PPRC1: variants seen among roughly 807,000 people sequenced by gnomAD.
PPRC1 encodes the protein PPARG related coactivator 1.
In PPRC1, 23 loss-of-function variants were observed where a neutral mutation model predicts 132.5. The observed-to-expected ratio is 0.17, with a 90% confidence interval of 0.12 to 0.25. The LOEUF (loss-of-function observed/expected upper bound fraction) is 0.25, where lower values mean the gene tolerates loss of function less well. Among genes scored for constraint, PPRC1 ranks in the 10% least tolerant of loss-of-function variants. The pLI, the probability that PPRC1 is intolerant of heterozygous loss-of-function variation, is 1.00. For missense variants in PPRC1, 2,006 were observed against 2,089.1 expected (o/e 0.96, Z 0.78); for synonymous variants, 872 against 833.5 (o/e 1.05, Z -0.80).
chr10:102,124,114 G>A, the PPRC1 span, among the ~76,000 whole-genome samples: 2 of 151,082 alleles, frequency 1.3e-5, no homozygotes, highest in Non-Finnish European at 2.9e-5. Flanking sequence ...CGCCCAGACT[G>A]GATTGCAGTG....
chr10:102,122,275 C>T, the PPRC1 span, among the ~76,000 whole-genome samples: 1 of 152,084 alleles, frequency 6.6e-6, no homozygotes, highest in Non-Finnish European at 1.5e-5. Context: ...ATTGTGGATA[C>T]CTAGGTTTGA....
chr10:102,120,227 CCGGCCCGGCCT>C, the PPRC1 span: 3 of 984,900 alleles, frequency 3.0e-6, no homozygotes, highest in East Asian at 1.1e-4. Flanking sequence ...CGCCGCCGGC[CCGGCCCGGCCT>C]CGGCCCGGTG....
chr10:102,127,892 T>C, the PPRC1 span, among the ~76,000 whole-genome samples: 1 of 152,082 alleles, frequency 6.6e-6, no homozygotes, highest in Non-Finnish European at 1.5e-5. Context: ...TTTCGCTATG[T>C]GTCCCAGAGT....
chr10:102,147,376 C>T lies in PPRC1; in HGVS notation c.4384C>T (p.His1462Tyr), dbSNP rs780258251. ...RSRSRSLSPP[H>Y]KRWRRSSCSS... is the part of the protein sequence containing the mutation. The stretch of plus-strand genomic sequence containing the variant: ...TCGGTCCAGGTCCCTCTCCCCCCCA[C>T]ACAAGAGGTGGCGAAGGTGAGCTTT... The change falls in exon 9 of 14, where the codon CAC becomes TAC. Residue 1462 changes from histidine (H) to tyrosine (Y), a missense_variant. By Grantham distance (83) the His-to-Tyr change is moderately conservative. Coordinates refer to ENST00000278070, the MANE Select transcript of PPRC1 (RefSeq NM_015062.5). The T allele has an allele frequency of 2.5e-6, 4 of 1,604,422 alleles. No homozygotes were observed. Among genetic ancestry groups the T allele is most frequent in the African/African-American group, 2.7e-5 (2 of 74,908 alleles).
upstream of PPRC1, among the ~76,000 whole-genome samples, chr10:102,129,055 G>A (rs1422968563): frequency 2.1e-5 from 3 of 144,048 alleles, no homozygotes; most frequent in East Asian, 2.2e-4. Flanking sequence ...TCAGCCTCCC[G>A]CGTAGCTGGG....
rs2069357645 is a variant in PPRC1 at position 102,148,401 on chromosome 10, G to A, written c.4430G>A (p.Arg1477Gln). 5.6e-6 allele frequency: 9 copies of A among 1,613,172 alleles called. No homozygotes were observed. Among genetic ancestry groups the A allele is most frequent in the South Asian group, 1.1e-5 (1 of 91,052 alleles). ...AGCTGTAGTTCCTCTGGACGTTCTC[G>A]AAGATGCTCTTCCTCTTCTTCGTCA... Reference protein sequence around the residue: ...RSSCSSSGRSRRCSSSSSSSS... With the variant: ...RSSCSSSGRSQRCSSSSSSSS... The change falls in exon 10 of 14, where the codon CGA becomes CAA. Residue 1477 changes from arginine to glutamine, a missense_variant. By Grantham distance (43) the Arg-to-Gln change is conservative. This residue lies in a region of PPRC1 where 1,914 missense variants were observed against 1,917.2 expected (regional missense o/e 1.00). Coordinates refer to ENST00000278070, the MANE Select transcript of PPRC1 (RefSeq NM_015062.5). The surrounding 1 kb of genome is among the most constrained non-coding windows in gnomAD (Gnocchi z 4.2).
At position 102,138,005 on chromosome 10, in the gene PPRC1, C is replaced by G. The variant is rs1246541899; in HGVS notation, c.309C>G (p.Ile103Met). 6.2e-7 allele frequency: 1 copy of G among 1,613,886 alleles called. No homozygotes were observed. Among genetic ancestry groups the G allele is most frequent in the African/African-American group, 1.3e-5 (1 of 74,904 alleles). ...TMQSYMDASL[I>M]SLIEDFGSLG... Reference sequence around the variant, plus strand: ...AGAGCTACATGGATGCCTCCCTTATCTCCCTCATTGAGGATTTTGGGAGCC... The same window carrying G: ...AGAGCTACATGGATGCCTCCCTTATGTCCCTCATTGAGGATTTTGGGAGCC... Residue 103 changes from isoleucine to methionine, a missense_variant, in exon 2 of 14, where the codon ATC (isoleucine) becomes ATG (methionine). Ile to Met is a conservative substitution (Grantham distance 10, BLOSUM62 1). This residue lies in a region of PPRC1 where 1,914 missense variants were observed against 1,917.2 expected (regional missense o/e 1.00). Transcript: ENST00000278070.
chr10:102,136,063 C>G (rs993026092), intron 1 of PPRC1, among the ~76,000 whole-genome samples: 25 of 152,280 alleles, frequency 1.6e-4, no homozygotes, highest in African/African-American at 6.0e-4. Flanking sequence ...CGCTGGGGCT[C>G]TGGTAGGTAG....
chr10:102,147,419 T>C (rs776267317), intron 9 of PPRC1, 27 bp downstream of exon 9: 1 of 1,574,006 alleles, frequency 6.4e-7, no homozygotes, highest in Non-Finnish European at 8.6e-7. Context: ...CTGTAGGTCC[T>C]CTCCATTTAG....
rs2069342247 is a variant in PPRC1, at chr10:102,148,068, CCT to C, written c.4401-303_4401-302del. Among the ~76,000 whole-genome samples, 1 of 152,150 alleles carries C rather than the reference CCT, an allele frequency of 6.6e-6. No individual in the cohort carries two copies. Among genetic ancestry groups the C allele is most frequent in the African/African-American group, 2.4e-5 (1 of 41,426 alleles). ...GTGAGACCTAGGGCTCACCCCTCTC[CCT>C]GAGTCTCCATTTATTGTTCTTCCTC... On this transcript the variant is annotated intron_variant, in intron 9 of 13. Transcript: ENST00000278070. The surrounding 1 kb of genome is among the most constrained non-coding windows in gnomAD (Gnocchi z 4.2).
At chr10:102,125,371 G>C in the PPRC1 span, among the ~76,000 whole-genome samples, 1 of 150,814 alleles carries the variant, frequency 6.6e-6, no homozygotes, top group African/African-American at 2.4e-5. Context: ...CAATTCCCCT[G>C]CCTCAGCCTC....
At chr10:102,137,104 TGA>T (rs1310239214) in intron 1 of PPRC1, among the ~76,000 whole-genome samples, 2 of 152,176 alleles carry the variant, frequency 1.3e-5, no homozygotes, top group East Asian at 3.8e-4. Flanking sequence ...TTTCAGAGGC[TGA>T]GTCGGGCGGA....
In PPRC1 at chr10:102,140,554, C is replaced by T. The variant is rs748225084; in HGVS notation, c.2046C>T (p.Asp682=). The T allele has an allele frequency of 6.2e-7, 1 of 1,614,098 alleles. No individual in the cohort carries two copies. Among genetic ancestry groups the T allele is most frequent in the Non-Finnish European group, 8.5e-7 (1 of 1,180,012 alleles). The part of the protein sequence containing the change: ...DPVPNDLTPV[D]PVLVKSRPTD... ...TTCCTAATGACCTGACTCCAGTTGA[C>T]CCAGTGCTAGTTAAGTCCAGACCAA... The change falls in exon 5 of 14, where the codon GAC becomes GAT. Residue 682 remains aspartate, a synonymous_variant. Transcript: ENST00000278070.
rs1440738813 is a variant in PPRC1 at position 102,148,008 on chromosome 10, C to A, written c.4401-364C>A. Among the ~76,000 whole-genome samples, 1 of 152,136 alleles carries A rather than the reference C, an allele frequency of 6.6e-6. No homozygotes were observed. The highest frequency in any genetic ancestry group is 1.5e-5 in the Non-Finnish European group (1 of 68,018). On this transcript the variant is annotated intron_variant, in intron 9 of 13. Coordinates refer to ENST00000278070, the MANE Select transcript of PPRC1 (RefSeq NM_015062.5). This position sits in a 1 kb window ranked among gnomAD's most constrained non-coding sequence, Gnocchi z 4.2. ...AGGGGAGCAATAGTAACCCAAAAGA[C>A]CCAGGCTTGGCCCCAGCACCACAGA...
chr10:102,127,331 G>A, the PPRC1 span, among the ~76,000 whole-genome samples: 9 of 151,880 alleles, frequency 5.9e-5, no homozygotes, highest in African/African-American at 1.7e-4. Flanking sequence ...CTGAGACCAC[G>A]CCACTGCACT....
At chr10:102,144,837 A>G in intron 7 of PPRC1, 183 bp from the exon 8 acceptor site, 1 of 598,856 alleles carries the variant, frequency 1.7e-6, no homozygotes, top group East Asian at 2.8e-5. Flanking sequence ...GGCAGGGCTC[A>G]GTTGAGATCC....
the PPRC1 span, among the ~76,000 whole-genome samples, chr10:102,124,826 A>G: frequency 6.6e-6 from 1 of 151,336 alleles, no homozygotes; most frequent in Non-Finnish European, 1.5e-5. Context: ...TATTTTTTGT[A>G]GAGACAGGTT....
At position 102,140,437 on chromosome 10, in the gene PPRC1, C is replaced by G. The variant is rs1418727453; in HGVS notation, c.1929C>G (p.Asp643Glu). The G allele has an allele frequency of 6.2e-7, 1 of 1,614,052 alleles. No homozygotes were observed. The highest frequency in any genetic ancestry group is 1.3e-5 in the African/African-American group (1 of 74,906). ...TCCTGGCTGACTCAGCAGCAGTTGA[C>G]CCTGCAGTGGTTCCCATCTCAGATA... ...NPVLADSAAV[D>E]PAVVPISDNL... Residue 643 changes from aspartate (D) to glutamate (E), a missense_variant, in exon 5 of 14, where the codon GAC (aspartate) becomes GAG (glutamate). This residue lies in a region of PPRC1 where 1,914 missense variants were observed against 1,917.2 expected (regional missense o/e 1.00). Transcript: ENST00000278070.
chr10:102,141,634 A>C lies in PPRC1; in HGVS notation c.3126A>C (p.Leu1042=). 1 of 1,614,112 alleles carries C rather than the reference A, an allele frequency of 6.2e-7. No homozygotes were observed. The highest frequency in any genetic ancestry group is 1.3e-5 in the African/African-American group (1 of 75,030). ...TGGCTCCTCCCCTCAGTCTTGGGCTACCTGGCCATGGAGCTCCTCAGACAG... is the reference window on the plus strand; with the variant it reads ...TGGCTCCTCCCCTCAGTCTTGGGCTCCCTGGCCATGGAGCTCCTCAGACAG... ...LSMAPPLSLG[L]PGHGAPQTEP... is the part of the protein sequence containing the mutation. The change falls in exon 5 of 14, where the codon CTA becomes CTC. Residue 1042 remains leucine, a synonymous_variant. Coordinates refer to ENST00000278070, the MANE Select transcript of PPRC1 (RefSeq NM_015062.5).
Sources: allele counts gnomAD v4.1 joint callset (sites outside exome capture counted in the v4.1 genomes callset), GRCh38; gene constraint gnomAD v4.1.1; regional missense constraint gnomAD v4.1.1; non-coding constraint Gnocchi (gnomAD v3.1); transcripts MANE v1.5; gene names NCBI Gene and HGNC (gene_info 2026-07-23, HGNC 2026-07-21).